Variants in LRBA observed in about 807,000 individuals in gnomAD.
LRBA encodes the protein lipopolysaccharide-responsive and beige-like anchor protein.
LRBA carries 176 observed loss-of-function variants against 330.0 expected under a neutral mutation model. That is an observed-to-expected ratio of 0.53 (90% CI 0.47 to 0.60). The LOEUF is 0.60. Ranked by LOEUF, LRBA falls within the 20% of genes least tolerant of loss-of-function variation. LRBA has a pLI of 0.00. For synonymous variants in LRBA, 1,230 were observed against 1,193.0 expected, an observed-to-expected ratio of 1.03 and a Z score of -0.64; for missense variants, 3,259 against 3,444.8, an observed-to-expected ratio of 0.95 and a Z score of 1.35.
chr4:150,911,433 T>C (rs1731976931), intron 9 of LRBA, among the ~76,000 whole-genome samples: 2 of 152,274 alleles, frequency 1.3e-5, no homozygotes, highest in South Asian at 4.1e-4. Flanking sequence ...TCAAATCCTT[T>C]TCTGTATCAG....
chr4:150,668,431 T>A (rs1179522978), intron 37 of LRBA, among the ~76,000 whole-genome samples: 1 of 152,222 alleles, frequency 6.6e-6, no homozygotes, highest in Non-Finnish European at 1.5e-5. Context: ...AAACAAGCTA[T>A]AGGCAGTGTG....
At position 150,321,257 on chromosome 4, in the gene LRBA, T is replaced by G. The variant is rs62346982; in HGVS notation, c.7564A>C (p.Thr2522Pro). The G allele has an allele frequency of 7.0e-3, 11,260 of 1,612,060 alleles. 52 individuals carry two copies. Among genetic ancestry groups the G allele is most frequent in the Non-Finnish European group, 9.0e-3 (10,608 of 1,179,398 alleles). The change falls in exon 50 of 57, where the codon ACT becomes CCT. Residue 2522 changes from threonine to proline, a missense_variant. Coordinates refer to ENST00000651943, the MANE Select transcript of LRBA (RefSeq NM_001364905.1). The surrounding 1 kb of genome is among the most constrained non-coding windows in gnomAD (Gnocchi z 4.5). ...VAANTQPGLA[T>P]PAVITVTANR... ...GCAGTGACTGTGATCACAGCGGGAG[T>G]TGCCAAACCAGGCTGGGTGTTGGCT...
chr4:150,957,665 G>A (rs1249304837), intron 2 of LRBA, among the ~76,000 whole-genome samples: 1 of 148,898 alleles, frequency 6.7e-6, no homozygotes, highest in Non-Finnish European at 1.5e-5. Context: ...CCAAGACAAG[G>A]CAAGTCCCTT....
chr4:150,435,559 T>A, intron 46 of LRBA, 30 bp downstream of exon 46: 5 of 1,591,050 alleles, frequency 3.1e-6, no homozygotes, highest in Admixed American at 1.9e-5. Flanking sequence ...GCACTGGCAA[T>A]AACAACTATA....
chr4:150,302,635 A>G lies in LRBA; in HGVS notation c.8007T>C (p.Asp2669=). The change falls in exon 53 of 57, where the codon GAT becomes GAC. Residue 2669 remains aspartate, a synonymous_variant. Transcript: ENST00000651943. The part of the protein sequence containing the change: ...YWNGKCSGIG[D]NPGSETAAPR... Reference sequence around the variant, plus strand: ...ATGAGTCATACTTACTGCCTGGGTTATCTCCAATCCCACTGCATTTTCCAT... The same window carrying G: ...ATGAGTCATACTTACTGCCTGGGTTGTCTCCAATCCCACTGCATTTTCCAT... 6.2e-7 allele frequency: 1 copy of G among 1,606,500 alleles called. No individual in the cohort carries two copies. The highest frequency in any genetic ancestry group is 8.5e-7 in the Non-Finnish European group (1 of 1,175,872).
intron 55 of LRBA, among the ~76,000 whole-genome samples, chr4:150,279,561 A>G (rs1019686523): frequency 2.0e-5 from 3 of 152,150 alleles, no homozygotes; most frequent in African/African-American, 2.4e-5. Flanking sequence ...ACTGTTTGAC[A>G]TATCTTTTAA....
At chr4:150,285,190 A>T (rs1325245041) in intron 54 of LRBA, among the ~76,000 whole-genome samples, 3 of 152,220 alleles carry the variant, frequency 2.0e-5, no homozygotes, top group Non-Finnish European at 4.4e-5. Flanking sequence ...CTGTTTCCCC[A>T]CCAGATAAAC....
chr4:150,283,735 A>C (rs1747831706), intron 54 of LRBA, among the ~76,000 whole-genome samples: 3 of 152,318 alleles, frequency 2.0e-5, no homozygotes, highest in African/African-American at 7.2e-5. Context: ...AACATAGTTC[A>C]AATTTAGGTT....
At chr4:151,013,430 G>A (rs988156731) in intron 2 of LRBA, 2 of 152,200 alleles carry the variant, frequency 1.3e-5, no homozygotes, top group Admixed American at 1.3e-4. Context: ...CTACTTAGGA[G>A]ACAAGAGGGG....
intron 46 of LRBA, among the ~76,000 whole-genome samples, chr4:150,417,210 C>G (rs1053745461): frequency 1.3e-5 from 2 of 151,650 alleles, no homozygotes; most frequent in African/African-American, 4.8e-5. Flanking sequence ...ATATATCTTT[C>G]ATATATATAT....
chr4:150,266,985 G>T (rs1196154504), intron 56 of LRBA, among the ~76,000 whole-genome samples: 1 of 152,150 alleles, frequency 6.6e-6, no homozygotes, highest in African/African-American at 2.4e-5. Context: ...ACTGAGAAAA[G>T]GGTAAATTCA....
rs1040533204 is a variant in LRBA, at chr4:150,692,413, T to C, written c.5755-8696A>G. The stretch of plus-strand genomic sequence containing the variant: ...TTTTCGATTTATTGTAGAGATGAGG[T>C]CTCACTATGTTGCCCACGCTGGTCT... On this transcript the variant is annotated intron_variant, in intron 36 of 56. Transcript: ENST00000651943. 4.6e-5 allele frequency among the ~76,000 whole-genome samples: 7 copies of C among 152,038 alleles called. No homozygotes were observed. In the East Asian group the frequency reaches 1.4e-3, roughly 29 times the overall value.
At chr4:150,611,538 A>G (rs757717379) in intron 37 of LRBA, among the ~76,000 whole-genome samples, 3 of 151,920 alleles carry the variant, frequency 2.0e-5, no homozygotes, top group Non-Finnish European at 4.4e-5. Context: ...AACTATAAAC[A>G]AAAAATTTTA....
intron 46 of LRBA, among the ~76,000 whole-genome samples, chr4:150,424,055 G>T (rs1436965354): frequency 6.6e-6 from 1 of 152,118 alleles, no homozygotes; most frequent in Admixed American, 6.5e-5. Flanking sequence ...CTGCTTGTTT[G>T]TTTCTATCTC....
Position 150,268,059 on chromosome 4 carries a change from C to CAAAA in LRBA, c.8469-2251_8469-2248dup, listed in dbSNP as rs199767343. Among the ~76,000 whole-genome samples the CAAAA allele has an allele frequency of 7.3e-3, 840 of 115,244 alleles. 4 individuals are homozygous for CAAAA. The highest frequency in any genetic ancestry group is 0.025 in the African/African-American group (757 of 30,728). The allele number at this position is 115,244 out of a possible 152,430, so 75.6% of individuals were successfully genotyped here. On this transcript the variant is annotated intron_variant, in intron 56 of 56. Coordinates refer to ENST00000651943, the MANE Select transcript of LRBA (RefSeq NM_001364905.1). The stretch of plus-strand genomic sequence containing the variant: ...TGGGTGATAGAGTGAGACTCCATCT[C>CAAAA]AAAAAAAAAAAAAAAATGACTCAAA...
intron 33 of LRBA, among the ~76,000 whole-genome samples, chr4:150,805,639 A>AG (rs1742679669): frequency 1.3e-5 from 2 of 149,684 alleles, no homozygotes; most frequent in African/African-American, 4.9e-5. Flanking sequence ...AAGGAGAAGG[A>AG]AAGGAAAGGA....
At chr4:150,453,377 G>T (rs116418655) in intron 44 of LRBA, among the ~76,000 whole-genome samples, 2 of 152,062 alleles carry the variant, frequency 1.3e-5, no homozygotes, top group African/African-American at 2.4e-5. Context: ...ATATATGGCC[G>T]ATTGATTTCC....
chr4:151,013,804 A>G (rs1420990225), intron 2 of LRBA: 1 of 152,514 alleles, frequency 6.6e-6, no homozygotes, highest in Non-Finnish European at 1.5e-5. Context: ...AAAACACATA[A>G]AAATTATACT....
At chr4:150,559,973 T>C (rs551191329) in intron 40 of LRBA, among the ~76,000 whole-genome samples, 2 of 120,032 alleles carry the variant, frequency 1.7e-5, no homozygotes, top group South Asian at 4.5e-4. Context: ...TATATATTTA[T>C]ATAAAATAAG....
Sources: allele counts gnomAD v4.1 joint callset (sites outside exome capture counted in the v4.1 genomes callset), GRCh38; gene constraint gnomAD v4.1.1; non-coding constraint Gnocchi (gnomAD v3.1); transcripts MANE v1.5; gene names NCBI Gene and HGNC (gene_info 2026-07-23, HGNC 2026-07-21).